FGFR2: variants seen among roughly 807,000 people sequenced by gnomAD.
FGFR2 encodes fibroblast growth factor receptor 2, also known as BEK fibroblast growth factor receptor.
Under a neutral mutation model 95.9 loss-of-function variants are expected in FGFR2, and 19 were observed. The ratio of observed to expected loss-of-function variants is 0.20; its 90% CI spans 0.14 to 0.29. The LOEUF (loss-of-function observed/expected upper bound fraction) is 0.29, where lower values mean the gene tolerates loss of function less well. FGFR2 is among the 10% of genes least tolerant of loss of function. The pLI is 1.00. For missense variants in FGFR2, 707 were observed against 1,056.9 expected (o/e 0.67, Z 4.59); for synonymous variants, 392 against 393.3 (o/e 1.00, Z 0.04).
intron 9 of FGFR2, 69 bp downstream of exon 9, chr10:121,515,048 G>T: frequency 6.8e-7 from 1 of 1,464,388 alleles, no homozygotes; most frequent in Non-Finnish European, 9.5e-7. Flanking sequence ...TCAAAGCAGA[G>T]GACAAGATCC....
At position 121,561,073 on chromosome 10, in the gene FGFR2, T is replaced by C. The variant is rs1315830961; in HGVS notation, c.454+3429A>G. On this transcript the variant is annotated intron_variant, in intron 4 of 17. Transcript: ENST00000358487. ...GGAGACTCAGGGACAAATCTAAGTC[T>C]TCACTTAAGTAACTCATTTATCCGA... 2.0e-5 allele frequency among the ~76,000 whole-genome samples: 3 copies of C among 152,176 alleles called. No homozygotes were observed. In the East Asian group the frequency reaches 5.8e-4, roughly 29 times the overall value.
chr10:121,512,071 C>T (rs867981086), intron 9 of FGFR2, among the ~76,000 whole-genome samples: 32 of 152,166 alleles, frequency 2.1e-4, no homozygotes, highest in African/African-American at 7.0e-4. Flanking sequence ...CATGGAGACA[C>T]TGAGTGATCC....
chr10:121,556,402 T>TC (rs1856149051), intron 4 of FGFR2, among the ~76,000 whole-genome samples: 1 of 144,686 alleles, frequency 6.9e-6, no homozygotes, highest in Non-Finnish European at 1.5e-5. Context: ...ATCTACTCTC[T>TC]CTCTCTCTCT....
chr10:121,594,260 C>T (rs561672600), intron 1 of FGFR2: 1 of 343,018 alleles, frequency 2.9e-6, no homozygotes, highest in East Asian at 4.7e-5. Flanking sequence ...TGTGTGCTCT[C>T]TTCTACTATC....
chr10:121,550,430 C>T lies in FGFR2; in HGVS notation c.624+860G>A, dbSNP rs41302337. Among the ~76,000 whole-genome samples, 893 of 152,278 alleles carry T rather than the reference C, an allele frequency of 5.9e-3. 8 individuals are homozygous for T. The highest frequency in any genetic ancestry group is 0.019 in the African/African-American group (810 of 41,560). ...GATGAACAAAGGCTAGAGGAGCATGCGCGGGCATCTGCAGGGAGACAGCTG... is the reference window on the plus strand; with the variant it reads ...GATGAACAAAGGCTAGAGGAGCATGTGCGGGCATCTGCAGGGAGACAGCTG... On this transcript the variant is annotated intron_variant, in intron 5 of 17. Transcript: ENST00000358487.
chr10:121,581,009 C>A (rs755550237), intron 2 of FGFR2, among the ~76,000 whole-genome samples: 7 of 152,174 alleles, frequency 4.6e-5, no homozygotes, highest in Non-Finnish European at 8.8e-5. Flanking sequence ...CCACACCTGG[C>A]CTGACTCCCC....
At chr10:121,487,168 G>C (rs1408670773) in intron 15 of FGFR2, among the ~76,000 whole-genome samples, 186 bp downstream of exon 15, 9 of 152,204 alleles carry the variant, frequency 5.9e-5, no homozygotes, top group African/African-American at 2.2e-4. Context: ...TTTGAAGCCA[G>C]GCAGATTAGT....
rs1008821115 is a variant in FGFR2 at position 121,517,955 on chromosome 10, T to G, written c.940-492A>C. 2.5e-6 allele frequency: 1 copy of G among 394,436 alleles called. No homozygotes were observed. The highest frequency in any genetic ancestry group is 4.9e-6 in the Non-Finnish European group (1 of 204,186). 24.4% of individuals were successfully genotyped at this position (394,436 alleles called of 1,614,324 possible). On this transcript the variant is annotated intron_variant, in intron 7 of 17. Transcript: ENST00000358487. The surrounding 1 kb of genome is among the most constrained non-coding windows in gnomAD (Gnocchi z 4.7). ...GTGGGAACCAATTGGGGTGGAAGGT[T>G]GTCTTGGTTACCAGGCTCTGGTTAT...
intron 2 of FGFR2, among the ~76,000 whole-genome samples, chr10:121,573,542 G>T (rs41302289): frequency 0.011 from 1,716 of 152,126 alleles, 30 homozygotes; most frequent in African/African-American, 0.035. Context: ...ACAGAAGGAT[G>T]AAAGAGAGGG....
intron 6 of FGFR2, 46 bp from the exon 7 acceptor site, chr10:121,520,215 G>A (rs1328806697): frequency 5.1e-6 from 8 of 1,570,580 alleles, no homozygotes; most frequent in South Asian, 1.2e-5. Flanking sequence ...GGGAGAATGA[G>A]AGACCAATAA....
At chr10:121,495,183 A>G (rs1846624035) in intron 13 of FGFR2, among the ~76,000 whole-genome samples, 1 of 152,172 alleles carries the variant, frequency 6.6e-6, no homozygotes, top group African/African-American at 2.4e-5. Context: ...GTACGTAAAC[A>G]CAATCACAGA....
chr10:121,558,478 C>G (rs748577487), intron 4 of FGFR2, among the ~76,000 whole-genome samples: 8 of 152,192 alleles, frequency 5.3e-5, no homozygotes, highest in Non-Finnish European at 1.2e-4. Flanking sequence ...AGCTAGTCAG[C>G]TGCTAAAATA....
intron 9 of FGFR2, 26 bp from the exon 10 acceptor site, chr10:121,503,967 A>G (rs936840578): frequency 6.2e-7 from 1 of 1,613,560 alleles, no homozygotes; most frequent in Non-Finnish European, 8.5e-7. Context: ...AAAGACACAG[A>G]TGTAATCCTG....
At chr10:121,526,076 C>T in intron 6 of FGFR2, 1 of 397,912 alleles carries the variant, frequency 2.5e-6, no homozygotes, top group Non-Finnish European at 4.4e-6. Flanking sequence ...CAGTCTCCTG[C>T]TCTCAGGCCC....
At chr10:121,482,040 T>G (rs776876500) in intron 17 of FGFR2, 2 of 702,240 alleles carry the variant, frequency 2.8e-6, no homozygotes, top group Non-Finnish European at 5.0e-6. Flanking sequence ...GGTTTCACCA[T>G]GTTGGCCAGG....
At chr10:121,520,923 G>A (rs1850451999) in intron 6 of FGFR2, among the ~76,000 whole-genome samples, 2 of 152,234 alleles carry the variant, frequency 1.3e-5, no homozygotes, top group African/African-American at 2.4e-5. Context: ...GATTACAGAC[G>A]TGAGCCACCA....
At chr10:121,523,285 A>C (rs1850822607) in intron 6 of FGFR2, among the ~76,000 whole-genome samples, 1 of 152,184 alleles carries the variant, frequency 6.6e-6, no homozygotes, top group Non-Finnish European at 1.5e-5. Flanking sequence ...AAAATCTCAA[A>C]GCTGGGCCCC....
At chr10:121,547,298 C>T (rs1246232854) in intron 5 of FGFR2, among the ~76,000 whole-genome samples, 1 of 152,102 alleles carries the variant, frequency 6.6e-6, no homozygotes, top group Non-Finnish European at 1.5e-5. Flanking sequence ...ATGTCAGGCC[C>T]TCTGAGTTTC....
At chr10:121,566,375 A>C (rs1345548375) in intron 2 of FGFR2, among the ~76,000 whole-genome samples, 4 of 152,160 alleles carry the variant, frequency 2.6e-5, no homozygotes, top group Non-Finnish European at 4.4e-5. Flanking sequence ...CCAAAAACAA[A>C]AAGAGCAAAA....
Sources: allele counts gnomAD v4.1 joint callset (sites outside exome capture counted in the v4.1 genomes callset), GRCh38; gene constraint gnomAD v4.1.1; non-coding constraint Gnocchi (gnomAD v3.1); transcripts MANE v1.5; gene names NCBI Gene and HGNC (gene_info 2026-07-23, HGNC 2026-07-21).